MYO18B: variants seen among roughly 807,000 people sequenced by gnomAD.
MYO18B encodes unconventional myosin-XVIIIb.
MYO18B carries 204 observed loss-of-function variants against 273.0 expected under a neutral mutation model. The observed-to-expected ratio is 0.75, with a 90% CI of 0.67 to 0.84. The LOEUF is 0.84. Among genes scored for constraint, MYO18B ranks in the 40% least tolerant of loss-of-function variants. MYO18B has a pLI of 0.00. For missense variants in MYO18B, 3,212 were observed against 3,287.6 expected (o/e 0.98, Z 0.56); for synonymous variants, 1,330 against 1,305.7 (o/e 1.02, Z -0.40).
intron 12 of MYO18B, among the ~76,000 whole-genome samples, chr22:25,810,884 G>T (rs536148812): frequency 6.6e-6 from 1 of 152,030 alleles, no homozygotes; most frequent in Non-Finnish European, 1.5e-5. Context: ...AGCAGCAAAG[G>T]TCCATCTATA....
chr22:25,889,579 T>C (rs1019011689), intron 25 of MYO18B, among the ~76,000 whole-genome samples: 1 of 151,566 alleles, frequency 6.6e-6, no homozygotes, highest in African/African-American at 2.4e-5. Context: ...ACAATTCTGC[T>C]GCCTTCCATA....
At chr22:25,994,234 A>G (rs1441357262) in intron 40 of MYO18B, among the ~76,000 whole-genome samples, 2 of 152,212 alleles carry the variant, frequency 1.3e-5, no homozygotes, top group Non-Finnish European at 2.9e-5. Flanking sequence ...TGGGAAGCTA[A>G]GGCGGGAGGA....
the MYO18B span, among the ~76,000 whole-genome samples, chr22:26,059,562 T>C: frequency 1.5e-4 from 23 of 152,348 alleles, no homozygotes; most frequent in Admixed American, 1.4e-3. Flanking sequence ...CAGGTGCCCA[T>C]TGAGGATGCC....
intron 9 of MYO18B, 112 bp downstream of exon 9, chr22:25,780,310 G>C: frequency 7.7e-7 from 1 of 1,301,406 alleles, no homozygotes; most frequent in Non-Finnish European, 1.0e-6. Flanking sequence ...TGTCTGAAAT[G>C]GTCATGGCGG....
intron 41 of MYO18B, among the ~76,000 whole-genome samples, chr22:26,004,216 G>A (rs1046377467): frequency 6.6e-6 from 1 of 151,818 alleles, no homozygotes; most frequent in African/African-American, 2.4e-5. Flanking sequence ...GACCTGTGAC[G>A]ACCCCCTCTC....
chr22:25,793,096 G>C (rs1224559402), intron 11 of MYO18B, among the ~76,000 whole-genome samples: 1 of 152,204 alleles, frequency 6.6e-6, no homozygotes, highest in African/African-American at 2.4e-5. Flanking sequence ...GGCATGGAAG[G>C]AGAGAGGCAG....
chr22:25,790,433 T>A (rs973277221), intron 11 of MYO18B, among the ~76,000 whole-genome samples: 1 of 152,196 alleles, frequency 6.6e-6, no homozygotes, highest in African/African-American at 2.4e-5. Context: ...TAAGGAGATG[T>A]CTCCAGTTAT....
downstream of MYO18B, among the ~76,000 whole-genome samples, chr22:26,034,757 A>G (rs1936746720): frequency 1.3e-5 from 2 of 152,220 alleles, no homozygotes; most frequent in Admixed American, 1.3e-4. Context: ...ACCCTAGACC[A>G]TAAGGACTAG....
In MYO18B at chr22:25,895,255, C is replaced by T; in HGVS notation, c.4643C>T (p.Thr1548Ile). The part of the protein sequence containing the change: ...QCEERLDSEL[T>I]ARKELEQKLG... Reference sequence around the variant, plus strand: ...GAGGAGAGGCTGGACTCGGAGCTGACAGCCAGGAAAGAGCTGGAGCAAAAG... The same window carrying T: ...GAGGAGAGGCTGGACTCGGAGCTGATAGCCAGGAAAGAGCTGGAGCAAAAG... The change falls in exon 28 of 44, where the codon ACA (threonine) becomes ATA (isoleucine). Residue 1548 changes from threonine to isoleucine, a missense_variant. Coordinates refer to ENST00000335473, the MANE Select transcript of MYO18B (RefSeq NM_032608.7). The T allele has an allele frequency of 6.2e-7, 1 of 1,604,548 alleles. No individual in the cohort carries two copies. The highest frequency in any genetic ancestry group is 1.3e-5 in the African/African-American group (1 of 74,900).
Position 26,003,269 on chromosome 22 carries a change from C to T in MYO18B, c.6292C>T (p.Gln2098Ter). The T allele has an allele frequency of 6.2e-7, 1 of 1,609,024 alleles. No homozygotes were observed. The highest frequency in any genetic ancestry group is 1.1e-5 in the South Asian group (1 of 89,692). ...ASSDSDTESVQTAVDCGSSGR... is the reference protein window; with the variant it reads ...ASSDSDTESV ...CTTTCTTGTGCCTCTTACTAGTGTCCAGACGGCAGTGGATTGTGGCAGCAG... is the reference window on the plus strand; with the variant it reads ...CTTTCTTGTGCCTCTTACTAGTGTCTAGACGGCAGTGGATTGTGGCAGCAG... The change falls in exon 41 of 44, where the codon CAG becomes TAG. Residue 2098 changes from glutamine (Q) to a stop codon, truncating the protein, a stop_gained. Coordinates refer to ENST00000335473, the MANE Select transcript of MYO18B (RefSeq NM_032608.7). LOFTEE classifies it high-confidence loss of function.
chr22:25,847,566 G>A lies in MYO18B; in HGVS notation c.3689G>A (p.Gly1230Asp), dbSNP rs1405320768. ...CCTGGTAGAGACAAGCCTGGGGCAGGTGGACCTCTGGCCCTGGATATCCCA... is the reference window on the plus strand; with the variant it reads ...CCTGGTAGAGACAAGCCTGGGGCAGATGGACCTCTGGCCCTGGATATCCCA... ...PQPGRDKPGAGGPLALDIPAL... is the reference protein window; with the variant it reads ...PQPGRDKPGADGPLALDIPAL... The change falls in exon 20 of 44, where the codon GGT becomes GAT. Residue 1230 changes from glycine (G) to aspartate (D), a missense_variant. Physicochemically the swap from Gly to Asp is moderately conservative, Grantham distance 94 (BLOSUM62 -1). Coordinates refer to ENST00000335473, the MANE Select transcript of MYO18B (RefSeq NM_032608.7). The A allele has an allele frequency of 1.9e-6, 3 of 1,568,334 alleles. No homozygotes were observed. Among genetic ancestry groups the A allele is most frequent in the Non-Finnish European group, 2.6e-6 (3 of 1,156,616 alleles).
downstream of MYO18B, among the ~76,000 whole-genome samples, chr22:26,033,899 TCCTC>T (rs1936723279): frequency 6.7e-6 from 1 of 149,402 alleles, no homozygotes; most frequent in Admixed American, 6.6e-5. Context: ...CTTTTTCTCT[TCCTC>T]CCTTCCTTCC....
intron 38 of MYO18B, among the ~76,000 whole-genome samples, chr22:25,954,743 T>C (rs539153116): frequency 4.5e-4 from 69 of 152,222 alleles, no homozygotes; most frequent in Non-Finnish European, 6.5e-4. Flanking sequence ...ACAGGGTCTC[T>C]CTCTGTCACC....
chr22:25,979,368 T>C (rs1036937766), intron 39 of MYO18B, among the ~76,000 whole-genome samples: 2 of 152,192 alleles, frequency 1.3e-5, no homozygotes, highest in East Asian at 1.9e-4. Context: ...ATTATTCCCC[T>C]GTCAGGAAAA....
At chr22:25,937,525 A>T (rs2092594264) in intron 34 of MYO18B, among the ~76,000 whole-genome samples, 2 of 151,532 alleles carry the variant, frequency 1.3e-5, no homozygotes, top group South Asian at 4.2e-4. Flanking sequence ...ATTCTCCCCC[A>T]TGGCCACTGT....
chr22:25,783,284 G>T (rs570228629), intron 10 of MYO18B, among the ~76,000 whole-genome samples: 10 of 152,342 alleles, frequency 6.6e-5, no homozygotes, highest in Middle Eastern at 6.8e-3. Context: ...CTGAGCCTTG[G>T]TTTCTCCTCC....
the MYO18B span, among the ~76,000 whole-genome samples, chr22:26,057,013 G>A: frequency 4.6e-5 from 7 of 152,120 alleles, no homozygotes; most frequent in Admixed American, 1.3e-4. Flanking sequence ...AAAGCCTCCC[G>A]TGTACCAAGC....
intron 11 of MYO18B, among the ~76,000 whole-genome samples, chr22:25,797,698 A>G (rs887287774): frequency 6.6e-6 from 1 of 152,198 alleles, no homozygotes; most frequent in African/African-American, 2.4e-5. Flanking sequence ...CAGAGCTTCC[A>G]TAAATCTGTA....
chr22:25,806,509 A>T (rs1041777120), intron 12 of MYO18B, among the ~76,000 whole-genome samples: 4 of 152,056 alleles, frequency 2.6e-5, no homozygotes, highest in African/African-American at 9.7e-5. Flanking sequence ...GCTTGCCATC[A>T]CTGATGGGTT....
Sources: allele counts gnomAD v4.1 joint callset (sites outside exome capture counted in the v4.1 genomes callset), GRCh38; gene constraint gnomAD v4.1.1; transcripts MANE v1.5; gene names NCBI Gene and HGNC (gene_info 2026-07-23, HGNC 2026-07-21).